Variants in DHX35 observed in about 807,000 individuals in gnomAD.
DHX35 encodes the protein probable ATP-dependent RNA helicase DHX35.
Under a neutral mutation model 99.6 loss-of-function variants are expected in DHX35, and 84 were observed. The ratio of observed to expected loss-of-function variants is 0.84; its 90% CI spans 0.71 to 1.01. The LOEUF (loss-of-function observed/expected upper bound fraction) is 1.01, where lower values mean the gene tolerates loss of function less well. DHX35 is among the 50% of genes least tolerant of loss of function. The probability of loss-of-function intolerance (pLI) is 0.00; values close to 1 mark genes in which losing one functional copy is unlikely to be tolerated. For missense variants in DHX35, 852 were observed against 888.5 expected, an observed-to-expected ratio of 0.96 and a Z score of 0.52; for synonymous variants, 331 against 316.2, an observed-to-expected ratio of 1.05 and a Z score of -0.50.
intron 13 of DHX35, among the ~76,000 whole-genome samples, chr20:39,013,326 T>C (rs1296453648): frequency 6.6e-6 from 1 of 152,220 alleles, no homozygotes. Context: ...ATGATTGTCA[T>C]AGAGTATTAT....
At chr20:38,978,927 A>G (rs1264179944) in intron 3 of DHX35, among the ~76,000 whole-genome samples, 1 of 152,174 alleles carries the variant, frequency 6.6e-6, no homozygotes, top group African/African-American at 2.4e-5. Context: ...TAGTTTTCCC[A>G]GCACCATTTA....
At chr20:38,969,913 C>T (rs1431858344) in intron 2 of DHX35, among the ~76,000 whole-genome samples, 1 of 152,214 alleles carries the variant, frequency 6.6e-6, no homozygotes, top group Non-Finnish European at 1.5e-5. Context: ...AGTACAGAGC[C>T]AAGACAGGTT....
rs551431369 is a variant in DHX35 at position 39,017,769 on chromosome 20, G to T, written c.1403-1035G>T. On this transcript the variant is annotated intron_variant, in intron 14 of 21. Transcript: ENST00000252011. ...GAGTTGAAAGAGTCAGCCCAGTTCAGCAAAATGTTCAGGAGGCAGTTGCAT... is the reference window on the plus strand; with the variant it reads ...GAGTTGAAAGAGTCAGCCCAGTTCATCAAAATGTTCAGGAGGCAGTTGCAT... 3.3e-5 allele frequency among the ~76,000 whole-genome samples: 5 copies of T among 152,338 alleles called. No homozygotes were observed. In the South Asian group the frequency reaches 1.0e-3, roughly 32 times the overall value.
At chr20:39,014,035 G>T (rs1295243518) in intron 13 of DHX35, among the ~76,000 whole-genome samples, 3 of 152,140 alleles carry the variant, frequency 2.0e-5, no homozygotes, top group Non-Finnish European at 2.9e-5. Context: ...CCTTATTGCA[G>T]TTCAGTTTCC....
At chr20:38,977,377 T>C (rs2086097597) in intron 3 of DHX35, among the ~76,000 whole-genome samples, 1 of 152,218 alleles carries the variant, frequency 6.6e-6, no homozygotes, top group Non-Finnish European at 1.5e-5. Context: ...ATATATGAAA[T>C]AATACACTGT....
At chr20:39,004,666 G>T (rs186168728) in intron 11 of DHX35, among the ~76,000 whole-genome samples, 80 of 152,296 alleles carry the variant, frequency 5.3e-4, no homozygotes, top group African/African-American at 1.9e-3. Flanking sequence ...AGTGAGGAAG[G>T]GTGTGGTGGA....
chr20:39,034,334 T>C lies in DHX35; in HGVS notation c.2067+17T>C. 6.3e-7 allele frequency: 1 copy of C among 1,597,386 alleles called. No individual in the cohort carries two copies. Among genetic ancestry groups the C allele is most frequent in the South Asian group, 1.1e-5 (1 of 90,758 alleles). ...CAAGGAACGGTAGGAATGAACTGAG[T>C]CTGTGCCCCAGCCACCTGTTCACAG... On this transcript the variant is annotated intron_variant, in intron 21 of 21. Coordinates refer to ENST00000252011, the MANE Select transcript of DHX35 (RefSeq NM_021931.4).
chr20:38,973,368 A>T (rs1024520415), intron 3 of DHX35, among the ~76,000 whole-genome samples: 4 of 152,166 alleles, frequency 2.6e-5, no homozygotes, highest in Admixed American at 2.6e-4. Flanking sequence ...GTACACCTTG[A>T]TACATTTCTG....
At chr20:39,007,670 G>A (rs1014039335) in intron 12 of DHX35, among the ~76,000 whole-genome samples, 2 of 152,132 alleles carry the variant, frequency 1.3e-5, no homozygotes, top group Non-Finnish European at 2.9e-5. Context: ...CAATTTCAGC[G>A]CACCAGGCAG....
chr20:39,006,659 A>G (rs2086624475), intron 12 of DHX35, among the ~76,000 whole-genome samples: 1 of 152,138 alleles, frequency 6.6e-6, no homozygotes, highest in Non-Finnish European at 1.5e-5. Flanking sequence ...TGTGTCCTGG[A>G]GCCTGTCTTT....
At chr20:39,013,078 T>A (rs1276594413) in intron 13 of DHX35, among the ~76,000 whole-genome samples, 2 of 152,086 alleles carry the variant, frequency 1.3e-5, no homozygotes, top group Admixed American at 6.5e-5. Flanking sequence ...ATATTACATT[T>A]AAAAATATAA....
chr20:38,981,210 A>C (rs980565096), intron 3 of DHX35, among the ~76,000 whole-genome samples: 1 of 152,164 alleles, frequency 6.6e-6, no homozygotes, highest in African/African-American at 2.4e-5. Flanking sequence ...ACATATTTTC[A>C]CACTGCAAAT....
rs73621981 is a variant in DHX35, at chr20:38,964,949, C to G, written c.40+2542C>G. Among the ~76,000 whole-genome samples the G allele has an allele frequency of 5.3e-5, 8 of 152,290 alleles. No homozygotes were observed. The East Asian group carries it at 1.5e-3, about 29-fold the overall frequency. On this transcript the variant is annotated intron_variant, in intron 1 of 21. Transcript: ENST00000252011. ...GGAGAAGATGAAGTCAGTAATAACTCAGATTTCTGGGCTGGGTGACTGTCT... is the reference window on the plus strand; with the variant it reads ...GGAGAAGATGAAGTCAGTAATAACTGAGATTTCTGGGCTGGGTGACTGTCT...
intron 3 of DHX35, among the ~76,000 whole-genome samples, chr20:38,973,245 T>C (rs2086028916): frequency 1.3e-5 from 2 of 152,186 alleles, no homozygotes; most frequent in Admixed American, 1.3e-4. Flanking sequence ...AACCTTAACT[T>C]GAAGAGTGAA....
intron 19 of DHX35, chr20:39,030,370 T>G: frequency 3.7e-6 from 1 of 272,698 alleles, no homozygotes; most frequent in Admixed American, 5.0e-5. Flanking sequence ...AGAAATCACA[T>G]GTATTATTTC....
chr20:38,987,479 G>C (rs2086268428), intron 4 of DHX35, among the ~76,000 whole-genome samples: 1 of 152,066 alleles, frequency 6.6e-6, no homozygotes. Flanking sequence ...CCTGACCTCA[G>C]GTGATTTGCC....
At chr20:39,000,562 A>C (rs2145891904) in intron 8 of DHX35, among the ~76,000 whole-genome samples, 1 of 152,230 alleles carries the variant, frequency 6.6e-6, no homozygotes, top group Middle Eastern at 3.4e-3. Flanking sequence ...TATTCTTCTC[A>C]ATTTTGAGGT....
intron 8 of DHX35, among the ~76,000 whole-genome samples, chr20:39,000,855 C>CT (rs2086508185): frequency 6.6e-6 from 1 of 152,162 alleles, no homozygotes; most frequent in African/African-American, 2.4e-5. Context: ...ATATCCATGC[C>CT]CCCTCTGCAG....
At position 39,018,823 on chromosome 20, in the gene DHX35, C is replaced by T. The variant is rs36025205; in HGVS notation, c.1422C>T (p.Arg474=). 3.2e-3 allele frequency: 5,185 copies of T among 1,613,856 alleles called. 102 individuals are homozygous for T. In the African/African-American group the frequency reaches 0.046, roughly 14 times the overall value. Residue 474 remains arginine (R), a synonymous_variant, in exon 15 of 22, where the codon CGC becomes CGT. Coordinates refer to ENST00000252011, the MANE Select transcript of DHX35 (RefSeq NM_021931.4). ...TGGCAGGTCTGGACAAAGACTGTCG[C>T]CTAACTGAACCGCTTGGCATGAGAA... ...YALGGLDKDC[R]LTEPLGMRIA... is the part of the protein sequence containing the mutation.
Sources: gnomAD v4.1 joint callset for allele counts (sites outside exome capture counted in the v4.1 genomes callset) on GRCh38, gnomAD v4.1.1 for gene constraint, MANE v1.5 for transcripts, NCBI Gene and HGNC (gene_info 2026-07-23, HGNC 2026-07-21) for gene names.